The following ERC2 variants were observed in gnomAD, a reference collection of about 807,000 sequenced individuals.
ERC2 encodes the protein ELKS/RAB6-interacting/CAST family member 2.
A neutral mutation model predicts 114.8 loss-of-function variants in ERC2; 42 were observed. That is an observed-to-expected ratio of 0.37 (90% CI 0.29 to 0.47). The LOEUF is 0.47. ERC2 is among the 20% of genes least tolerant of loss of function. The pLI, the probability that ERC2 is intolerant of heterozygous loss-of-function variation, is 0.99. For synonymous variants in ERC2, 454 were observed against 425.5 expected, an observed-to-expected ratio of 1.07 and a Z score of -0.82; for missense variants, 939 against 1,150.7, an observed-to-expected ratio of 0.82 and a Z score of 2.66.
At chr3:55,736,482 G>C (rs2065642136) in intron 14 of ERC2, among the ~76,000 whole-genome samples, 1 of 152,094 alleles carries the variant, frequency 6.6e-6, no homozygotes, top group Non-Finnish European at 1.5e-5. Flanking sequence ...TCGGTCATCT[G>C]TCACATTACA....
chr3:56,201,944 G>A (rs1039605597), intron 3 of ERC2, among the ~76,000 whole-genome samples: 4 of 152,152 alleles, frequency 2.6e-5, no homozygotes, highest in African/African-American at 9.7e-5. Flanking sequence ...AACATGCTTA[G>A]CTACATGAGA....
chr3:55,904,045 T>G (rs2064290086), intron 13 of ERC2, among the ~76,000 whole-genome samples: 1 of 152,220 alleles, frequency 6.6e-6, no homozygotes, highest in African/African-American at 2.4e-5. Flanking sequence ...TCCATAATCC[T>G]GTTTCGTGTT....
intron 9 of ERC2, among the ~76,000 whole-genome samples, chr3:56,010,037 T>A (rs956652682): frequency 6.6e-6 from 1 of 152,096 alleles, no homozygotes; most frequent in African/African-American, 2.4e-5. Context: ...AAAGTACAGA[T>A]GAATGCAAAG....
At chr3:55,673,947 G>A (rs1275690787) in intron 17 of ERC2, among the ~76,000 whole-genome samples, 4 of 151,946 alleles carry the variant, frequency 2.6e-5, no homozygotes, top group South Asian at 2.1e-4. Context: ...TCCATCACAC[G>A]CTGACTCAGG....
intron 2 of ERC2, among the ~76,000 whole-genome samples, chr3:56,404,684 C>T (rs1457506192): frequency 4.6e-5 from 7 of 150,966 alleles, no homozygotes; most frequent in African/African-American, 1.7e-4. Flanking sequence ...ATCCCATAAA[C>T]ATATACACCT....
intron 6 of ERC2, among the ~76,000 whole-genome samples, chr3:56,112,983 TA>T (rs954381037): frequency 2.7e-4 from 41 of 152,024 alleles, no homozygotes; most frequent in African/African-American, 8.7e-4. Flanking sequence ...ACAGGCAATA[TA>T]AAAAAAATCA....
At chr3:55,673,452 G>A (rs753359261) in intron 17 of ERC2, among the ~76,000 whole-genome samples, 6 of 152,052 alleles carry the variant, frequency 3.9e-5, no homozygotes, top group Admixed American at 1.3e-4. Context: ...GCATGGTGGC[G>A]CACGCCTGTA....
At chr3:55,545,943 C>T (rs528420224) in intron 17 of ERC2, among the ~76,000 whole-genome samples, 2 of 152,288 alleles carry the variant, frequency 1.3e-5, no homozygotes, top group Admixed American at 6.5e-5. Context: ...TTGGTGCCTT[C>T]CTTAGGGTCC....
intron 14 of ERC2, among the ~76,000 whole-genome samples, chr3:55,784,503 G>A (rs919111087): frequency 1.3e-5 from 2 of 152,194 alleles, no homozygotes; most frequent in African/African-American, 2.4e-5. Context: ...ACCTTGTGAC[G>A]TTGAAATTCT....
chr3:55,872,591 A>G (rs914032394), intron 14 of ERC2, among the ~76,000 whole-genome samples: 4 of 152,082 alleles, frequency 2.6e-5, no homozygotes, highest in Admixed American at 6.5e-5. Context: ...ATGACAGTAG[A>G]TTATAAAAGG....
At chr3:56,177,063 C>T (rs2083019414) in intron 3 of ERC2, among the ~76,000 whole-genome samples, 1 of 152,212 alleles carries the variant, frequency 6.6e-6, no homozygotes, top group African/African-American at 2.4e-5. Context: ...ATTTGAAAGG[C>T]TGCTGAAGAC....
chr3:56,207,363 A>G (rs9821284), intron 3 of ERC2, among the ~76,000 whole-genome samples: 4,352 of 152,204 alleles, frequency 0.029, 69 homozygotes, highest in Middle Eastern at 0.054. Context: ...TAACATTTTC[A>G]TTACCTTCAC....
chr3:56,403,366 AT>A (rs200902933), intron 2 of ERC2, among the ~76,000 whole-genome samples: 8,808 of 152,290 alleles, frequency 0.058, 612 homozygotes, highest in East Asian at 0.38. Context: ...TTAAATTTAA[AT>A]GAAATTAAAT....
At chr3:56,088,167 C>A (rs991379942) in intron 6 of ERC2, among the ~76,000 whole-genome samples, 3 of 152,108 alleles carry the variant, frequency 2.0e-5, no homozygotes, top group Non-Finnish European at 4.4e-5. Context: ...GGTGGAGATA[C>A]AAGATGGCAG....
intron 7 of ERC2, among the ~76,000 whole-genome samples, chr3:56,033,065 AAAG>A: frequency 2.4e-5 from 3 of 124,538 alleles, no homozygotes; most frequent in Non-Finnish European, 3.9e-5. Context: ...AGAAAGAAAG[AAAG>A]AAAGAAAGAA....
intron 2 of ERC2, among the ~76,000 whole-genome samples, chr3:56,389,442 T>C (rs1266613049): frequency 6.6e-6 from 1 of 152,126 alleles, no homozygotes; most frequent in Non-Finnish European, 1.5e-5. Flanking sequence ...ACTGTTTCCC[T>C]GCCAGGGAAA....
chr3:55,815,439 G>A (rs975532828), intron 14 of ERC2, among the ~76,000 whole-genome samples: 3 of 152,174 alleles, frequency 2.0e-5, no homozygotes, highest in Non-Finnish European at 4.4e-5. Context: ...AAGTGAGAGC[G>A]ATGTGAAGCA....
At chr3:55,560,020 A>C (rs945110593) in intron 17 of ERC2, among the ~76,000 whole-genome samples, 1 of 152,170 alleles carries the variant, frequency 6.6e-6, no homozygotes, top group African/African-American at 2.4e-5. Context: ...TGCTGAAGGA[A>C]CTTTAGCCCA....
chr3:56,069,927 GA>G (rs1322137209), intron 7 of ERC2, among the ~76,000 whole-genome samples: 9 of 152,100 alleles, frequency 5.9e-5, no homozygotes, highest in African/African-American at 1.9e-4. Flanking sequence ...GAGTACAAAG[GA>G]AAGTACAAAG....
Sources: gnomAD v4.1 joint callset for allele counts (sites outside exome capture counted in the v4.1 genomes callset) on GRCh38, gnomAD v4.1.1 for gene constraint, MANE v1.5 for transcripts, NCBI Gene and HGNC (gene_info 2026-07-23, HGNC 2026-07-21) for gene names.